Variants in MTUS2 observed in about 807,000 individuals in gnomAD.
MTUS2 encodes microtubule associated scaffold protein 2, also known as microtubule-associated tumor suppressor candidate 2.
A neutral mutation model predicts 114.1 loss-of-function variants in MTUS2; 40 were observed. The ratio of observed to expected loss-of-function variants is 0.35; its 90% CI spans 0.27 to 0.46. The LOEUF is 0.46. Among genes scored for constraint, MTUS2 ranks in the 20% least tolerant of loss-of-function variants. The probability of loss-of-function intolerance (pLI) is 1.00; values close to 1 mark genes in which losing one functional copy is unlikely to be tolerated. For missense variants in MTUS2, 1,679 were observed against 1,705.4 expected (o/e 0.98, Z 0.27); for synonymous variants, 688 against 672.0 (o/e 1.02, Z -0.37).
At chr13:29,109,452 C>G (rs1000996495) in intron 5 of MTUS2, among the ~76,000 whole-genome samples, 2 of 152,228 alleles carry the variant, frequency 1.3e-5, no homozygotes, top group Admixed American at 1.3e-4. Context: ...ACTTTGAACC[C>G]TTTAACCAAT....
intron 5 of MTUS2, among the ~76,000 whole-genome samples, chr13:29,182,837 G>A (rs1024104479): frequency 4.6e-5 from 7 of 152,280 alleles, no homozygotes; most frequent in African/African-American, 1.7e-4. Flanking sequence ...CAGATATCTG[G>A]GAACAACCAC....
chr13:29,439,589 A>G (rs574584067), intron 8 of MTUS2, among the ~76,000 whole-genome samples: 5 of 152,358 alleles, frequency 3.3e-5, no homozygotes, highest in South Asian at 2.1e-4. Flanking sequence ...TTTGGCCCTC[A>G]GAGAAATATG....
intron 5 of MTUS2, among the ~76,000 whole-genome samples, chr13:29,107,044 C>T (rs531094650): frequency 6.6e-6 from 1 of 152,250 alleles, no homozygotes; most frequent in East Asian, 1.9e-4. Context: ...CTCTGGAATA[C>T]ACCTCCCCCG....
At chr13:29,007,069 A>G (rs1372090617) in intron 2 of MTUS2, among the ~76,000 whole-genome samples, 1 of 152,212 alleles carries the variant, frequency 6.6e-6, no homozygotes, top group Non-Finnish European at 1.5e-5. Context: ...CATCCAATAC[A>G]GTGATCCTCT....
intron 5 of MTUS2, among the ~76,000 whole-genome samples, chr13:29,188,133 C>T (rs1894300182): frequency 6.6e-6 from 1 of 152,120 alleles, no homozygotes; most frequent in Non-Finnish European, 1.5e-5. Flanking sequence ...TATCAAACAC[C>T]TTGGTAACCC....
intron 2 of MTUS2, among the ~76,000 whole-genome samples, chr13:28,999,144 C>G (rs1362531697): frequency 6.6e-6 from 1 of 152,180 alleles, no homozygotes; most frequent in African/African-American, 2.4e-5. Context: ...TTGGAGTTTG[C>G]TGGAGGTCCA....
chr13:29,091,508 T>TC (rs1889948164), intron 4 of MTUS2, among the ~76,000 whole-genome samples: 1 of 151,704 alleles, frequency 6.6e-6, no homozygotes, highest in Non-Finnish European at 1.5e-5. Flanking sequence ...TTTCCTTTTT[T>TC]TCCATTAATG....
intron 2 of MTUS2, among the ~76,000 whole-genome samples, chr13:28,982,659 G>T (rs934190377): frequency 6.6e-6 from 1 of 152,210 alleles, no homozygotes; most frequent in Non-Finnish European, 1.5e-5. Flanking sequence ...TAAACAAAAT[G>T]AGGTCTGTAC....
chr13:29,444,240 G>A (rs150049719), intron 9 of MTUS2, among the ~76,000 whole-genome samples: 16,265 of 152,016 alleles, frequency 0.11, 1,370 homozygotes, highest in African/African-American at 0.24. Flanking sequence ...CCTGGCCAAC[G>A]TGGTCAAACC....
At chr13:28,858,209 G>A (rs1327641918) in intron 2 of MTUS2, among the ~76,000 whole-genome samples, 1 of 152,014 alleles carries the variant, frequency 6.6e-6, no homozygotes. Context: ...CTTGAATGAA[G>A]GTATCTAGGA....
chr13:29,081,452 G>C (rs1370590776), intron 4 of MTUS2, among the ~76,000 whole-genome samples: 1 of 152,032 alleles, frequency 6.6e-6, no homozygotes, highest in African/African-American at 2.4e-5. Flanking sequence ...CTTATAGCCT[G>C]AGGCCAATAA....
intron 2 of MTUS2, among the ~76,000 whole-genome samples, chr13:28,949,223 C>A (rs551297690): frequency 2.6e-5 from 4 of 152,192 alleles, no homozygotes; most frequent in Non-Finnish European, 5.9e-5. Flanking sequence ...TGACTTTGAG[C>A]CACAAGAATC....
chr13:29,336,616 G>T (rs1282661562), intron 7 of MTUS2, among the ~76,000 whole-genome samples: 2 of 152,214 alleles, frequency 1.3e-5, no homozygotes, highest in African/African-American at 4.8e-5. Flanking sequence ...AGGAGGCATG[G>T]GGGTCAGGGA....
intron 5 of MTUS2, among the ~76,000 whole-genome samples, chr13:29,179,104 G>C (rs1210054076): frequency 1.3e-5 from 2 of 152,138 alleles, no homozygotes; most frequent in Non-Finnish European, 2.9e-5. Flanking sequence ...TGTGTCCATT[G>C]TTTTAATGTA....
intron 5 of MTUS2, among the ~76,000 whole-genome samples, chr13:29,199,208 G>GT (rs761755225): frequency 1.6e-4 from 25 of 151,958 alleles, no homozygotes; most frequent in Non-Finnish European, 2.9e-4. Context: ...CAAGGCTGCA[G>GT]TAACCTTCCA....
chr13:29,220,737 A>T (rs1340516584), intron 5 of MTUS2, among the ~76,000 whole-genome samples: 1 of 152,226 alleles, frequency 6.6e-6, no homozygotes, highest in Non-Finnish European at 1.5e-5. Context: ...AACAATGAAA[A>T]AGTTTGAAAG....
chr13:29,470,746 T>G (rs557346980), intron 9 of MTUS2, among the ~76,000 whole-genome samples: 1 of 152,300 alleles, frequency 6.6e-6, no homozygotes, highest in South Asian at 2.1e-4. Context: ...CTCTGGAACT[T>G]CACCTCCTTC....
At chr13:29,005,123 A>G (rs1885549454) in intron 2 of MTUS2, among the ~76,000 whole-genome samples, 1 of 152,136 alleles carries the variant, frequency 6.6e-6, no homozygotes, top group Admixed American at 6.5e-5. Context: ...CTTTGTTCCT[A>G]CAACCCCGGC....
chr13:28,989,149 A>C (rs934172665), intron 2 of MTUS2, among the ~76,000 whole-genome samples: 1 of 152,200 alleles, frequency 6.6e-6, no homozygotes, highest in African/African-American at 2.4e-5. Context: ...TCTGTTGGGC[A>C]TGCTTTATAA....
Sources: gnomAD v4.1 joint callset for allele counts (sites outside exome capture counted in the v4.1 genomes callset) on GRCh38, gnomAD v4.1.1 for gene constraint, MANE v1.5 for transcripts, NCBI Gene and HGNC (gene_info 2026-07-23, HGNC 2026-07-21) for gene names.